Variants in IFITM10 observed in about 807,000 individuals in gnomAD.
The protein encoded by IFITM10 is interferon-induced transmembrane protein 10.
IFITM10 carries 17 observed loss-of-function variants against 19.0 expected under a neutral mutation model. The observed-to-expected ratio is 0.90, with a 90% CI of 0.61 to 1.34. IFITM10 has a LOEUF of 1.34. Among genes scored for constraint, IFITM10 ranks in the 40% most tolerant of loss-of-function variants. The probability of loss-of-function intolerance (pLI) is 0.00; values close to 1 mark genes in which losing one functional copy is unlikely to be tolerated. For synonymous variants in IFITM10, 148 were observed against 147.2 expected (o/e 1.01, Z -0.04); for missense variants, 306 against 319.8 (o/e 0.96, Z 0.33).
chr11:1,737,007 A>G (rs2133640651), intron 2 of IFITM10, among the ~76,000 whole-genome samples: 1 of 152,328 alleles, frequency 6.6e-6, no homozygotes, highest in South Asian at 2.1e-4. Flanking sequence ...AGGGTAAGGA[A>G]GGAGGCAGGA....
intron 2 of IFITM10, chr11:1,745,430 G>C (rs1440943327): frequency 6.6e-6 from 1 of 152,332 alleles, no homozygotes; most frequent in Non-Finnish European, 1.5e-5. Context: ...GCTGGAGCTG[G>C]TCGGAAGCAT....
intron 2 of IFITM10, 83 bp from the exon 3 acceptor site, chr11:1,735,512 G>T: frequency 1.6e-6 from 2 of 1,278,326 alleles, no homozygotes; most frequent in Non-Finnish European, 1.1e-6. Flanking sequence ...CAGAGCCGGT[G>T]CCACAGTGCT....
At chr11:1,747,090 G>A (rs1448285438) in intron 2 of IFITM10, among the ~76,000 whole-genome samples, 2 of 152,118 alleles carry the variant, frequency 1.3e-5, no homozygotes, top group Non-Finnish European at 2.9e-5. Flanking sequence ...CCTGAGCTGG[G>A]GAGGTGCAGG....
rs1350583838 is a variant in IFITM10 at position 1,735,423 on chromosome 11, C to T, written c.544G>A (p.Asp182Asn). Residue 182 changes from aspartate (D) to asparagine (N), a missense_variant, in exon 3 of 3, where the codon GAC (aspartate) becomes AAC (asparagine). By Grantham distance (23) the Asp-to-Asn change is conservative. Coordinates refer to ENST00000340134, the MANE Select transcript of IFITM10 (RefSeq NM_001170820.4). ...IALAYSLKVR[D>N]KKLLNDLNGA... ...TTCAGGTCATTGAGAAGCTTCTTGT[C>T]TCGCACCTGAAGCCGGGAGGAGGAC... 2 of 1,551,190 alleles carry T rather than the reference C, an allele frequency of 1.3e-6. No individual in the cohort carries two copies. Among genetic ancestry groups the T allele is most frequent in the Admixed American group, 3.9e-5 (2 of 50,986 alleles).
At chr11:1,740,132 T>G (rs1035047194) in intron 2 of IFITM10, among the ~76,000 whole-genome samples, 15 of 151,704 alleles carry the variant, frequency 9.9e-5, no homozygotes, top group Non-Finnish European at 2.1e-4. Context: ...AAACCCTGTC[T>G]CTACTAAAAA....
rs536753843 is a variant in IFITM10 at position 1,733,005 on chromosome 11, A to G, written c.*2275T>C. 3.3e-5 allele frequency: 5 copies of G among 152,386 alleles called. No individual in the cohort carries two copies. The highest frequency in any genetic ancestry group is 1.2e-4 in the African/African-American group (5 of 41,560). 9.4% of individuals were successfully genotyped at this position (152,386 alleles called of 1,614,324 possible). A position where few individuals can be genotyped will look rare whatever the true frequency, so the allele number is the denominator to read the frequency against. ...GGCATAACATGGAAGACACCTGGACACTGGGGTTGGCCTTAGCTGCCCCAG... is the reference window on the plus strand; with the variant it reads ...GGCATAACATGGAAGACACCTGGACGCTGGGGTTGGCCTTAGCTGCCCCAG... On this transcript the variant is annotated 3_prime_UTR_variant, in exon 3 of 3. Transcript: ENST00000340134. This position sits in a 1 kb window ranked among gnomAD's most constrained non-coding sequence, Gnocchi z 6.3.
intron 2 of IFITM10, chr11:1,744,865 G>A (rs973327254): frequency 6.6e-6 from 1 of 152,326 alleles, no homozygotes; most frequent in Non-Finnish European, 1.5e-5. Flanking sequence ...AAGACCTTCT[G>A]AACCTAGGGC....
chr11:1,738,541 C>T lies in IFITM10; in HGVS notation c.538-3112G>A, dbSNP rs559032921. 4.6e-5 allele frequency among the ~76,000 whole-genome samples: 7 copies of T among 152,158 alleles called. No individual in the cohort carries two copies. The East Asian group carries it at 7.7e-4, about 17-fold the overall frequency. ...CACATGGGTGGGGCATCTGGGTAAG[C>T]GGGTAAGTGAACGGCTGCTGGATGG... On this transcript the variant is annotated intron_variant, in intron 2 of 2. Transcript: ENST00000340134.
intron 2 of IFITM10, among the ~76,000 whole-genome samples, chr11:1,737,560 T>C (rs975915439): frequency 1.4e-4 from 21 of 152,138 alleles, no homozygotes; most frequent in Admixed American, 1.3e-3. Context: ...CCCAGGGTTG[T>C]GGGAAAGGCT....
chr11:1,740,718 G>A (rs576741248), intron 2 of IFITM10, among the ~76,000 whole-genome samples: 4 of 152,184 alleles, frequency 2.6e-5, no homozygotes, highest in South Asian at 4.2e-4. Flanking sequence ...GAGAAGCATC[G>A]GCAAAAAGAT....
rs1845705383 is a variant in IFITM10 at position 1,750,504 on chromosome 11, C to G, written c.-62G>C. On this transcript the variant is annotated 5_prime_UTR_variant, in exon 1 of 3. Transcript: ENST00000340134. ...CTCCTCTGCCACTCTCAACTGGCCTCCTGTGTCTCCGCAACCCTCTTTCCT... is the reference window on the plus strand; with the variant it reads ...CTCCTCTGCCACTCTCAACTGGCCTGCTGTGTCTCCGCAACCCTCTTTCCT... 1 of 1,544,870 alleles carries G rather than the reference C, an allele frequency of 6.5e-7. No individual in the cohort carries two copies. The highest frequency in any genetic ancestry group is 2.4e-5 in the East Asian group (1 of 40,850).
At chr11:1,738,359 G>C (rs746221030) in intron 2 of IFITM10, among the ~76,000 whole-genome samples, 1 of 152,202 alleles carries the variant, frequency 6.6e-6, no homozygotes, top group Non-Finnish European at 1.5e-5. Context: ...GGAGTGTACT[G>C]GGTGCCTATG....
At chr11:1,747,618 G>A in intron 2 of IFITM10, 49 bp downstream of exon 2, 3 of 1,501,562 alleles carry the variant, frequency 2.0e-6, no homozygotes, top group Non-Finnish European at 1.8e-6. Flanking sequence ...TGTCCTGCCG[G>A]CACCACCTCT....
At chr11:1,738,599 G>A (rs942130451) in intron 2 of IFITM10, among the ~76,000 whole-genome samples, 4 of 152,174 alleles carry the variant, frequency 2.6e-5, no homozygotes, top group Non-Finnish European at 5.9e-5. Context: ...GAGCATGTTC[G>A]GTGGGCAGGA....
chr11:1,739,712 G>T (rs1851125361), intron 2 of IFITM10, among the ~76,000 whole-genome samples: 1 of 152,102 alleles, frequency 6.6e-6, no homozygotes. Context: ...AGACCTTGTG[G>T]GGTGGGAGGT....
chr11:1,745,848 A>C (rs776464118), intron 2 of IFITM10: 9 of 151,112 alleles, frequency 6.0e-5, no homozygotes, highest in Non-Finnish European at 1.2e-4. Context: ...ACACACATTT[A>C]TACGTGCTAT....
chr11:1,749,662 C>T (rs576646660), intron 1 of IFITM10, among the ~76,000 whole-genome samples: 134 of 152,028 alleles, frequency 8.8e-4, no homozygotes, highest in Middle Eastern at 3.4e-3. Flanking sequence ...AAGCTCCAGT[C>T]CCCTGAGCCC....
In IFITM10 at chr11:1,735,425, C is replaced by T. The variant is rs921535469; in HGVS notation, c.542G>A (p.Arg181Gln). ...CAGGTCATTGAGAAGCTTCTTGTCT[C>T]GCACCTGAAGCCGGGAGGAGGACAG... Reference protein sequence around the residue: ...FIALAYSLKVRDKKLLNDLNG... With the variant: ...FIALAYSLKVQDKKLLNDLNG... The change falls in exon 3 of 3, where the codon CGA becomes CAA. Residue 181 changes from arginine (R) to glutamine (Q), a missense_variant. By Grantham distance (43) the Arg-to-Gln change is conservative. Coordinates refer to ENST00000340134, the MANE Select transcript of IFITM10 (RefSeq NM_001170820.4). 67 of 1,551,060 alleles carry T rather than the reference C, an allele frequency of 4.3e-5. No individual in the cohort carries two copies. The East Asian group carries it at 1.3e-3, about 29-fold the overall frequency.
chr11:1,737,567 G>T (rs1306050526), intron 2 of IFITM10, among the ~76,000 whole-genome samples: 1 of 152,206 alleles, frequency 6.6e-6, no homozygotes. Flanking sequence ...TTGTGGGAAA[G>T]GCTTAATGAA....
Sources: gnomAD v4.1 joint callset for allele counts (sites outside exome capture counted in the v4.1 genomes callset) on GRCh38, gnomAD v4.1.1 for gene constraint, Gnocchi (gnomAD v3.1) non-coding constraint, MANE v1.5 for transcripts, NCBI Gene and HGNC (gene_info 2026-07-23, HGNC 2026-07-21) for gene names.